PDE3A: variants seen among roughly 807,000 people sequenced by gnomAD.
The protein encoded by PDE3A is phosphodiesterase 3A.
PDE3A carries 43 observed loss-of-function variants against 98.3 expected under a neutral mutation model. The observed-to-expected ratio is 0.44, with a 90% confidence interval of 0.34 to 0.56. The LOEUF is 0.56. Ranked by LOEUF, PDE3A falls within the 20% of genes least tolerant of loss-of-function variation. The pLI, the probability that PDE3A is intolerant of heterozygous loss-of-function variation, is 0.01. For synonymous variants in PDE3A, 663 were observed against 567.9 expected, an observed-to-expected ratio of 1.17 and a Z score of -2.38; for missense variants, 1,427 against 1,440.7, an observed-to-expected ratio of 0.99 and a Z score of 0.15.
intron 7 of PDE3A, among the ~76,000 whole-genome samples, chr12:20,634,538 C>G (rs1944454433): frequency 6.6e-6 from 1 of 152,104 alleles, no homozygotes; most frequent in Non-Finnish European, 1.5e-5. Context: ...TCAGTTTCTC[C>G]CACCTCACGT....
intron 1 of PDE3A, among the ~76,000 whole-genome samples, chr12:20,534,713 T>C (rs978932450): frequency 1.3e-5 from 2 of 152,202 alleles, no homozygotes; most frequent in Non-Finnish European, 2.9e-5. Flanking sequence ...AGGAATCATA[T>C]TTTTCCCCTT....
At chr12:20,678,737 C>T (rs193181751) in intron 15 of PDE3A, among the ~76,000 whole-genome samples, 33 of 152,270 alleles carry the variant, frequency 2.2e-4, no homozygotes, top group Middle Eastern at 3.4e-3. Context: ...CCTCGCAAAC[C>T]GACATTCATT....
intron 1 of PDE3A, among the ~76,000 whole-genome samples, chr12:20,421,500 G>A (rs1193981568): frequency 6.6e-6 from 1 of 151,040 alleles, no homozygotes; most frequent in Non-Finnish European, 1.5e-5. Flanking sequence ...TAACAATTAT[G>A]TTGCCATCTA....
chr12:20,422,280 C>A (rs1944530702), intron 1 of PDE3A, among the ~76,000 whole-genome samples: 1 of 151,768 alleles, frequency 6.6e-6, no homozygotes, highest in Non-Finnish European at 1.5e-5. Flanking sequence ...GGAAGTGGAG[C>A]TTGCAGTGAG....
intron 14 of PDE3A, among the ~76,000 whole-genome samples, chr12:20,652,938 C>T (rs998237708): frequency 1.3e-5 from 2 of 152,150 alleles, no homozygotes; most frequent in Non-Finnish European, 2.9e-5. Flanking sequence ...ATCATGAAAT[C>T]ATGTATTGCC....
chr12:20,674,063 A>T (rs1945568664), intron 15 of PDE3A, among the ~76,000 whole-genome samples: 1 of 151,870 alleles, frequency 6.6e-6, no homozygotes, highest in Non-Finnish European at 1.5e-5. Flanking sequence ...TTTATTTCTA[A>T]TTTTTTATAG....
chr12:20,441,009 G>T (rs942115477), intron 1 of PDE3A, among the ~76,000 whole-genome samples: 1 of 152,144 alleles, frequency 6.6e-6, no homozygotes, highest in African/African-American at 2.4e-5. Context: ...TAATGAAATT[G>T]TATGCCAGGA....
rs1943407520 is a variant in PDE3A at position 20,369,255 on chromosome 12, G to A, written c.-30G>A. On this transcript the variant is annotated 5_prime_UTR_variant, in exon 1 of 16. Coordinates refer to ENST00000359062, the MANE Select transcript of PDE3A (RefSeq NM_000921.5). Reference sequence around the variant, plus strand: ...GGGGCGGGGGCGTCGGGGGGCCACTGGGAATTCAGTGAAGAGGGCACCCTA... The same window carrying A: ...GGGGCGGGGGCGTCGGGGGGCCACTAGGAATTCAGTGAAGAGGGCACCCTA... 1.4e-6 allele frequency: 2 copies of A among 1,457,222 alleles called. No homozygotes were observed. The highest frequency in any genetic ancestry group is 1.8e-6 in the Non-Finnish European group (2 of 1,096,684). 90.3% of individuals were successfully genotyped at this position (1,457,222 alleles called of 1,614,324 possible). A position where few individuals can be genotyped will look rare whatever the true frequency, so the allele number is the denominator to read the frequency against.
At chr12:20,647,517 A>AC (rs1373800123) in intron 12 of PDE3A, among the ~76,000 whole-genome samples, 2 of 152,098 alleles carry the variant, frequency 1.3e-5, no homozygotes, top group Non-Finnish European at 2.9e-5. Flanking sequence ...AAAATTCATC[A>AC]CTAAGTATGT....
chr12:20,616,258 T>C lies in PDE3A; in HGVS notation c.1298T>C (p.Leu433Ser), dbSNP rs369448508. 93 of 1,613,860 alleles carry C rather than the reference T, an allele frequency of 5.8e-5. No individual in the cohort carries two copies. Among genetic ancestry groups the C allele is most frequent in the Non-Finnish European group, 7.8e-5 (92 of 1,179,932 alleles). Residue 433 changes from leucine (L) to serine (S), a missense_variant, in exon 4 of 16, where the codon TTG becomes TCG. This residue lies in a region of PDE3A where 1,012 missense variants were observed against 886.5 expected (regional missense o/e 1.14). Transcript: ENST00000359062. ...CTGAGAAGGAGTTTGCCTCCTGGCT[T>C]GTTGAGACGAGTTTCTTCCACTTGG... ...KRLRRSLPPGLLRRVSSTWTT... is the reference protein window; with the variant it reads ...KRLRRSLPPGSLRRVSSTWTT...
chr12:20,610,192 AAC>A (rs1417694204), intron 2 of PDE3A, among the ~76,000 whole-genome samples: 3 of 152,032 alleles, frequency 2.0e-5, no homozygotes, highest in Admixed American at 6.6e-5. Flanking sequence ...TAACTCTTAT[AAC>A]ACAATAGGGG....
intron 1 of PDE3A, among the ~76,000 whole-genome samples, chr12:20,469,966 A>G (rs1197539605): frequency 6.6e-6 from 1 of 152,170 alleles, no homozygotes; most frequent in African/African-American, 2.4e-5. Flanking sequence ...TCTAAATGAC[A>G]TTCTCTGCCA....
At chr12:20,478,540 C>T (rs895903122) in intron 1 of PDE3A, among the ~76,000 whole-genome samples, 1 of 152,074 alleles carries the variant, frequency 6.6e-6, no homozygotes, top group Non-Finnish European at 1.5e-5. Context: ...CTACCTAGCA[C>T]ACTGCTTGAC....
At position 20,688,251 on chromosome 12, in the gene PDE3A, A is replaced by G. The variant is rs905958144; in HGVS notation, c.*7980A>G. On this transcript the variant is annotated 3_prime_UTR_variant, in exon 16 of 16. Coordinates refer to ENST00000359062, the MANE Select transcript of PDE3A (RefSeq NM_000921.5). The stretch of plus-strand genomic sequence containing the variant: ...TGAAATAAATCTTGTCCTTTCACCT[A>G]TATCTTCCATTTAATATATGTAGCA... Among the ~76,000 whole-genome samples the G allele has an allele frequency of 6.6e-6, 1 of 151,952 alleles. No homozygotes were observed. Among genetic ancestry groups the G allele is most frequent in the South Asian group, 2.1e-4 (1 of 4,828 alleles).
intron 2 of PDE3A, among the ~76,000 whole-genome samples, chr12:20,588,443 T>G (rs144305308): frequency 6.6e-6 from 1 of 152,190 alleles, no homozygotes; most frequent in South Asian, 2.1e-4. Flanking sequence ...CAATTAGGAC[T>G]ATAATGTGAT....
chr12:20,648,964 C>T (rs528966477), intron 13 of PDE3A, 73 bp downstream of exon 13: 23 of 935,830 alleles, frequency 2.5e-5, no homozygotes, highest in African/African-American at 5.8e-5. Context: ...CTTGCTCTGT[C>T]GCCCAGACTG....
intron 2 of PDE3A, among the ~76,000 whole-genome samples, chr12:20,577,613 G>A (rs540020463): frequency 6.6e-6 from 1 of 152,128 alleles, no homozygotes; most frequent in Non-Finnish European, 1.5e-5. Context: ...TCTTGGACCA[G>A]TCAAATAATC....
At chr12:20,588,919 TTTTG>T (rs1038248638) in intron 2 of PDE3A, among the ~76,000 whole-genome samples, 7 of 152,016 alleles carry the variant, frequency 4.6e-5, no homozygotes, top group African/African-American at 7.2e-5. Flanking sequence ...GGGTTATCCT[TTTTG>T]TTTGTTTGTT....
rs2120519810 is a variant in PDE3A, at chr12:20,684,195, A to G, written c.*3924A>G. On this transcript the variant is annotated 3_prime_UTR_variant, in exon 16 of 16. Transcript: ENST00000359062. ...TCATTTATATTCTACTGTGGGAGGT[A>G]TTCTTGGTGCTTCCATGTCAGTATC... 1 of 152,246 alleles carries G rather than the reference A, an allele frequency of 6.6e-6. No homozygotes were observed. Among genetic ancestry groups the G allele is most frequent in the South Asian group, 2.1e-4 (1 of 4,820 alleles). The allele number at this position is 152,246 out of a possible 1,614,324, so 9.4% of individuals were successfully genotyped here.
Sources: allele counts gnomAD v4.1 joint callset (sites outside exome capture counted in the v4.1 genomes callset), GRCh38; gene constraint gnomAD v4.1.1; regional missense constraint gnomAD v4.1.1; transcripts MANE v1.5; gene names NCBI Gene and HGNC (gene_info 2026-07-23, HGNC 2026-07-21).